BCAR3: variants seen among roughly 807,000 people sequenced by gnomAD.
BCAR3 encodes the protein breast cancer anti-estrogen resistance protein 3.
Under a neutral mutation model 80.1 loss-of-function variants are expected in BCAR3, and 37 were observed. The observed-to-expected ratio is 0.46, with a 90% CI of 0.36 to 0.61. The LOEUF (loss-of-function observed/expected upper bound fraction) is 0.61, where lower values mean the gene tolerates loss of function less well. Ranked by LOEUF, BCAR3 falls within the 20% of genes least tolerant of loss-of-function variation. BCAR3 has a pLI of 0.00. For missense variants in BCAR3, 978 were observed against 1,068.2 expected (o/e 0.92, Z 1.18); for synonymous variants, 389 against 418.9 (o/e 0.93, Z 0.87).
chr1:93,817,793 C>G lies in BCAR3; in HGVS notation c.-63+27774G>C, dbSNP rs556485388. ...CTACAGCTGACTAGCCCTGTTTACC[C>G]CCCCACATCCCTGCCCAGCATCTTT... On this transcript the variant is annotated intron_variant, in intron 2 of 13. Coordinates refer to the BCAR3 transcript ENST00000370244. Among the ~76,000 whole-genome samples, 3 of 152,302 alleles carry G rather than the reference C, an allele frequency of 2.0e-5. No individual in the cohort carries two copies. In the South Asian group the frequency reaches 6.2e-4, roughly 32 times the overall value.
At chr1:93,712,414 C>T (rs1292881584) in intron 2 of BCAR3, among the ~76,000 whole-genome samples, 2 of 152,212 alleles carry the variant, frequency 1.3e-5, no homozygotes, top group Non-Finnish European at 2.9e-5. Context: ...CCGCCTGGCA[C>T]AGCTCCCCTA....
intron 2 of BCAR3, among the ~76,000 whole-genome samples, chr1:93,644,961 C>G (rs542591044): frequency 2.0e-5 from 3 of 152,220 alleles, no homozygotes; most frequent in Non-Finnish European, 4.4e-5. Context: ...ATTGCTTTTT[C>G]TCTCAGAATT....
Position 93,582,438 on chromosome 1 carries a change from G to T in BCAR3, c.1549C>A (p.Pro517Thr). Reference protein sequence around the residue: ...PLLETVSSFRPNEFESKFLPP... With the variant: ...PLLETVSSFRTNEFESKFLPP... ...AGGAACTTTGACTCAAACTCGTTGG[G>T]CCTGAAGGAGGAGACAGTCTCCAGG... Residue 517 changes from proline to threonine, a missense_variant, in exon 7 of 12, where the codon CCC becomes ACC. Transcript: ENST00000260502. 6.2e-7 allele frequency: 1 copy of T among 1,614,160 alleles called. No homozygotes were observed. The highest frequency in any genetic ancestry group is 8.5e-7 in the Non-Finnish European group (1 of 1,180,028).
At chr1:93,625,224 T>C (rs927934155) in intron 3 of BCAR3, among the ~76,000 whole-genome samples, 8 of 151,538 alleles carry the variant, frequency 5.3e-5, no homozygotes, top group African/African-American at 1.9e-4. Context: ...AATAAAAGAG[T>C]CATTTTACTC....
chr1:93,804,117 C>T (rs1653584490), intron 2 of BCAR3, among the ~76,000 whole-genome samples: 3 of 152,120 alleles, frequency 2.0e-5, no homozygotes, highest in Non-Finnish European at 4.4e-5. Context: ...TTGGGACCAG[C>T]CTATACAACA....
chr1:93,640,226 AGT>A (rs920020542), intron 3 of BCAR3, among the ~76,000 whole-genome samples: 6 of 152,242 alleles, frequency 3.9e-5, no homozygotes, highest in Middle Eastern at 3.4e-3. Flanking sequence ...AGGGCAACTA[AGT>A]GTGAGAAGTG....
At chr1:93,702,853 G>A (rs1426310620) in intron 3 of BCAR3, among the ~76,000 whole-genome samples, 2 of 152,188 alleles carry the variant, frequency 1.3e-5, no homozygotes, top group Non-Finnish European at 1.5e-5. Context: ...AATCCCCTTA[G>A]GAAAACTCAT....
At chr1:93,571,594 T>C (rs773077662) in intron 9 of BCAR3, 76 bp downstream of exon 9, 1 of 1,552,896 alleles carries the variant, frequency 6.4e-7, no homozygotes, top group South Asian at 1.1e-5. Flanking sequence ...TTGACTAAAA[T>C]AGTCTGATTT....
At position 93,594,000 on chromosome 1, in the gene BCAR3, T is replaced by A. The variant is rs574151105; in HGVS notation, c.358-1607A>T. Among the ~76,000 whole-genome samples the A allele has an allele frequency of 1.2e-3, 190 of 152,242 alleles. 1 individual carries two copies. The highest frequency in any genetic ancestry group is 1.2e-3 in the Non-Finnish European group (84 of 68,008). ...CAGGGTGCCTGCAGGCTTTAGACGG[T>A]GATGTTTGACACCGTCCGCTCCCAT... On this transcript the variant is annotated intron_variant, in intron 3 of 11. Coordinates refer to ENST00000260502, the MANE Select transcript of BCAR3 (RefSeq NM_003567.4).
chr1:93,609,758 C>T (rs1474879020), intron 3 of BCAR3, among the ~76,000 whole-genome samples: 1 of 152,144 alleles, frequency 6.6e-6, no homozygotes, highest in Non-Finnish European at 1.5e-5. Context: ...GCCTCCCTGC[C>T]TGCCCACACC....
chr1:93,638,486 T>C (rs891617802), intron 3 of BCAR3, among the ~76,000 whole-genome samples: 1 of 152,220 alleles, frequency 6.6e-6, no homozygotes, highest in African/African-American at 2.4e-5. Context: ...GCAAGTGCAA[T>C]GGGGCAGTGA....
chr1:93,846,697 A>T (rs1477526414), intron 1 of BCAR3: 1 of 342,022 alleles, frequency 2.9e-6, no homozygotes. Flanking sequence ...CAGCGCTCCC[A>T]CGCGTGCTGA....
chr1:93,565,641 T>C (rs1020760818), intron 11 of BCAR3, among the ~76,000 whole-genome samples: 1 of 152,246 alleles, frequency 6.6e-6, no homozygotes, highest in African/African-American at 2.4e-5. Context: ...TCATTGGCTT[T>C]GTCTAAGTAG....
At chr1:93,844,342 C>G (rs772660589) in intron 2 of BCAR3, among the ~76,000 whole-genome samples, 1 of 152,094 alleles carries the variant, frequency 6.6e-6, no homozygotes, top group African/African-American at 2.4e-5. Context: ...AACATGAAAC[C>G]GTATTTAATT....
intron 2 of BCAR3, among the ~76,000 whole-genome samples, chr1:93,740,606 A>C (rs1108528): frequency 0.9 from 136,547 of 152,116 alleles, 61,432 homozygotes; most frequent in East Asian, 0.95. Context: ...TCTGCTTAGT[A>C]CTCCCCTCAC....
At chr1:93,611,711 T>C (rs891656530) in intron 3 of BCAR3, among the ~76,000 whole-genome samples, 1 of 152,238 alleles carries the variant, frequency 6.6e-6, no homozygotes, top group Admixed American at 6.5e-5. Flanking sequence ...GTAAGACCGC[T>C]GCAAATAAGA....
intron 3 of BCAR3, among the ~76,000 whole-genome samples, chr1:93,640,354 C>T (rs1675939161): frequency 6.6e-6 from 1 of 152,076 alleles, no homozygotes; most frequent in African/African-American, 2.4e-5. Context: ...AATGAAAATA[C>T]ATACCCTACA....
chr1:93,810,463 A>T (rs1653803682), intron 2 of BCAR3, among the ~76,000 whole-genome samples: 1 of 152,198 alleles, frequency 6.6e-6, no homozygotes, highest in Non-Finnish European at 1.5e-5. Context: ...TCAAAGTCTC[A>T]GACAGGAAAC....
chr1:93,589,112 T>C lies in BCAR3; in HGVS notation c.794A>G (p.His265Arg), dbSNP rs759394550. 5.6e-6 allele frequency: 9 copies of C among 1,612,898 alleles called. No homozygotes were observed. Among genetic ancestry groups the C allele is most frequent in the Non-Finnish European group, 7.6e-6 (9 of 1,179,416 alleles). The part of the protein sequence containing the change: ...RTVPLRCLEE[H>R]YGTSPGQARE... Reference sequence around the variant, plus strand: ...GGCCTGGCCTGGGGAGGTGCCATAATGCTCCTCCAGGCACCGCAGAGGCAC... The same window carrying C: ...GGCCTGGCCTGGGGAGGTGCCATAACGCTCCTCCAGGCACCGCAGAGGCAC... Residue 265 changes from histidine (H) to arginine (R), a missense_variant, in exon 5 of 12, where the codon CAT becomes CGT. Transcript: ENST00000260502.
Sources: allele counts gnomAD v4.1 joint callset (sites outside exome capture counted in the v4.1 genomes callset), GRCh38; gene constraint gnomAD v4.1.1; transcripts MANE v1.5; gene names NCBI Gene and HGNC (gene_info 2026-07-23, HGNC 2026-07-21).